SASH1: variants seen among roughly 807,000 people sequenced by gnomAD.
SASH1 encodes the protein SAM and SH3 domain containing 1, also known as SAM and SH3 domain-containing protein 1.
SASH1 carries 44 observed loss-of-function variants against 125.2 expected under a neutral mutation model. That is an observed-to-expected ratio of 0.35 (90% CI 0.28 to 0.45). The LOEUF is 0.45. Among genes scored for constraint, SASH1 ranks in the 20% least tolerant of loss-of-function variants. The pLI, the probability that SASH1 is intolerant of heterozygous loss-of-function variation, is 1.00. For missense variants in SASH1, 1,426 were observed against 1,614.5 expected (o/e 0.88, Z 2.00); for synonymous variants, 639 against 649.1 (o/e 0.98, Z 0.24).
At chr6:148,432,284 AT>A (rs748819483) in intron 2 of SASH1, among the ~76,000 whole-genome samples, 3 of 152,136 alleles carry the variant, frequency 2.0e-5, no homozygotes, top group Non-Finnish European at 4.4e-5. Flanking sequence ...CAATATATAC[AT>A]TTTTAAGTAG....
the SASH1 span, among the ~76,000 whole-genome samples, chr6:148,228,426 C>T: frequency 6.6e-6 from 1 of 152,166 alleles, no homozygotes; most frequent in East Asian, 1.9e-4. Flanking sequence ...TGCTGAGACA[C>T]CCATGTGAGC....
chr6:148,331,517 G>A (rs893412821), intron 1 of SASH1, among the ~76,000 whole-genome samples: 2 of 151,998 alleles, frequency 1.3e-5, no homozygotes, highest in Non-Finnish European at 2.9e-5. Context: ...TTTCAGTAGA[G>A]ACAGGGTTTC....
At chr6:148,471,095 C>T (rs1421746652) in intron 5 of SASH1, among the ~76,000 whole-genome samples, 2 of 151,828 alleles carry the variant, frequency 1.3e-5, no homozygotes, top group Non-Finnish European at 1.5e-5. Context: ...TACTGCAAGA[C>T]GAGGCCAAAT....
At chr6:148,513,368 G>A in intron 8 of SASH1, 1 of 985,452 alleles carries the variant, frequency 1.0e-6, no homozygotes, top group Non-Finnish European at 1.2e-6. Context: ...CTGCTCCCAG[G>A]CATGCCCACG....
intron 9 of SASH1, among the ~76,000 whole-genome samples, chr6:148,516,206 A>C (rs1341069720): frequency 1.3e-5 from 2 of 152,266 alleles, no homozygotes; most frequent in Non-Finnish European, 2.9e-5. Flanking sequence ...AGATGGATTT[A>C]GTGAACTCAA....
the SASH1 span, among the ~76,000 whole-genome samples, chr6:148,262,169 C>G: frequency 6.6e-6 from 1 of 152,172 alleles, no homozygotes; most frequent in Non-Finnish European, 1.5e-5. Flanking sequence ...CTTTTCACCT[C>G]TGTGCTTAAA....
intron 1 of SASH1, among the ~76,000 whole-genome samples, chr6:148,382,066 G>A (rs1783162322): frequency 6.6e-6 from 1 of 152,210 alleles, no homozygotes; most frequent in Non-Finnish European, 1.5e-5. Context: ...TTCTGGGTTA[G>A]CGACCTTTAC....
the SASH1 span, among the ~76,000 whole-genome samples, chr6:148,233,993 G>C: frequency 1.3e-5 from 2 of 151,918 alleles, no homozygotes. Context: ...GAGAGGAAGT[G>C]AGCATTTGCT....
chr6:148,381,293 T>G (rs1376869571), intron 1 of SASH1, among the ~76,000 whole-genome samples: 1 of 152,144 alleles, frequency 6.6e-6, no homozygotes, highest in African/African-American at 2.4e-5. Context: ...GGTAATAACA[T>G]TTTTGCTACC....
the SASH1 span, among the ~76,000 whole-genome samples, chr6:148,259,103 G>A: frequency 1.3e-5 from 2 of 152,182 alleles, no homozygotes; most frequent in Non-Finnish European, 2.9e-5. Context: ...TGACTGGATG[G>A]TACTCAAAGA....
chr6:148,372,064 C>A (rs1158005071), intron 1 of SASH1, among the ~76,000 whole-genome samples: 2 of 152,130 alleles, frequency 1.3e-5, no homozygotes, highest in African/African-American at 4.8e-5. Context: ...AATGCAAACA[C>A]TTATTTTCTG....
the SASH1 span, among the ~76,000 whole-genome samples, chr6:148,236,710 G>A: frequency 6.6e-6 from 1 of 152,108 alleles, no homozygotes; most frequent in Non-Finnish European, 1.5e-5. Context: ...GAGCAAGGGG[G>A]CCCACAGACA....
the SASH1 span, among the ~76,000 whole-genome samples, chr6:148,225,835 A>G: frequency 6.6e-6 from 1 of 152,242 alleles, no homozygotes; most frequent in South Asian, 2.1e-4. Context: ...AATATTCAGA[A>G]GCTTTGTCTA....
At chr6:148,352,613 A>G (rs1425862497) in intron 1 of SASH1, among the ~76,000 whole-genome samples, 2 of 149,048 alleles carry the variant, frequency 1.3e-5, no homozygotes, top group African/African-American at 4.9e-5. Context: ...AAATAAATAA[A>G]TAAATAAATA....
the SASH1 span, among the ~76,000 whole-genome samples, chr6:148,211,902 T>G: frequency 2.0e-5 from 3 of 152,272 alleles, no homozygotes; most frequent in South Asian, 6.2e-4. Context: ...CAGGACACTC[T>G]AGAATAGGGA....
intron 1 of SASH1, among the ~76,000 whole-genome samples, chr6:148,316,012 T>C (rs1460155688): frequency 6.6e-6 from 1 of 152,224 alleles, no homozygotes; most frequent in Non-Finnish European, 1.5e-5. Context: ...CCTCACAGCC[T>C]TGAGATACAG....
chr6:148,455,271 C>G (rs183445960), intron 4 of SASH1, among the ~76,000 whole-genome samples: 7 of 152,206 alleles, frequency 4.6e-5, no homozygotes, highest in Non-Finnish European at 8.8e-5. Flanking sequence ...CCAGGAGACT[C>G]TTAAGCAGCC....
Position 148,548,178 on chromosome 6 carries a change from C to T in SASH1, c.3481-117C>T, listed in dbSNP as rs1015376430. ...ATCTCTGACACTCATTGCATTGTCG[C>T]TTTCTGATAATAGTCTAGCAATGCA... is the stretch of plus-strand genomic sequence containing the variant. On this transcript the variant is annotated intron_variant, in intron 19 of 19. Coordinates refer to ENST00000367467, the MANE Select transcript of SASH1 (RefSeq NM_015278.5). 6.4e-6 allele frequency: 6 copies of T among 936,700 alleles called. No homozygotes were observed. In the African/African-American group the frequency reaches 9.9e-5, roughly 16 times the overall value. The allele number at this position is 936,700 out of a possible 1,614,324, so 58.0% of individuals were successfully genotyped here.
intron 2 of SASH1, among the ~76,000 whole-genome samples, chr6:148,403,878 C>A: frequency 6.6e-6 from 1 of 152,178 alleles, no homozygotes; most frequent in Non-Finnish European, 1.5e-5. Flanking sequence ...GGATATGATT[C>A]ATATACCATA....
Sources: allele counts gnomAD v4.1 joint callset (sites outside exome capture counted in the v4.1 genomes callset), GRCh38; gene constraint gnomAD v4.1.1; transcripts MANE v1.5; gene names NCBI Gene and HGNC (gene_info 2026-07-23, HGNC 2026-07-21).